DECR2: variants seen among roughly 807,000 people sequenced by gnomAD.
The protein encoded by DECR2 is 2,4-dienoyl-CoA reductase 2.
Under a neutral mutation model 29.2 loss-of-function variants are expected in DECR2, and 34 were observed. The observed-to-expected ratio is 1.16, with a 90% CI of 0.89 to 1.55. DECR2 has a LOEUF of 1.55. DECR2 is among the 40% of genes most tolerant of loss of function. The probability of loss-of-function intolerance (pLI) is 0.00; values close to 1 mark genes in which losing one functional copy is unlikely to be tolerated. For missense variants in DECR2, 485 were observed against 425.3 expected (o/e 1.14, Z -1.23); for synonymous variants, 224 against 182.7 (o/e 1.23, Z -1.82).
intron 7 of DECR2, 38 bp from the exon 8 acceptor site, chr16:411,323 T>C (rs776931116): frequency 1.3e-6 from 2 of 1,574,756 alleles, no homozygotes; most frequent in South Asian, 2.3e-5. Context: ...TGCTGGGTCT[T>C]GGGGCTCACG....
In DECR2 at chr16:410,755, T is replaced by G. The variant is rs536949084; in HGVS notation, c.527T>G (p.Val176Gly). Residue 176 changes from valine (V) to glycine (G), a missense_variant, in exon 6 of 9, where the codon GTG becomes GGG. Val to Gly is a moderately radical substitution (Grantham distance 109, BLOSUM62 -3). Transcript: ENST00000219481. This position sits in a 1 kb window ranked among gnomAD's most constrained non-coding sequence, Gnocchi z 4.1. Reference sequence around the variant, plus strand: ...GGGAACCGGGGGCAGGCGCTCCAGGTGCATGCAGGCTCCGCCAAGGCCGCT... The same window carrying G: ...GGGAACCGGGGGCAGGCGCTCCAGGGGCATGCAGGCTCCGCCAAGGCCGCT... ...TLGNRGQALQ[V>G]HAGSAKAAVD... 1.2e-6 allele frequency: 2 copies of G among 1,605,294 alleles called. No individual in the cohort carries two copies. Among genetic ancestry groups the G allele is most frequent in the Admixed American group, 3.4e-5 (2 of 59,122 alleles).
At position 405,015 on chromosome 16, in the gene DECR2, T is replaced by C. The variant is rs760801993; in HGVS notation, c.140T>C (p.Ile47Thr). The C allele has an allele frequency of 2.5e-6, 4 of 1,613,886 alleles. No individual in the cohort carries two copies. In the Admixed American group the frequency reaches 6.7e-5, roughly 27 times the overall value. ...GSGIGFRIAE[I>T]FMRHGCHTVI... ...GGGATTGGGTTCCGGATTGCTGAGATTTTCATGCGGTGAGACTGCTCTGTG... is the reference window on the plus strand; with the variant it reads ...GGGATTGGGTTCCGGATTGCTGAGACTTTCATGCGGTGAGACTGCTCTGTG... The change falls in exon 2 of 9, where the codon ATT (isoleucine) becomes ACT (threonine). Residue 47 changes from isoleucine (I) to threonine (T), a missense_variant. By Grantham distance (89) the Ile-to-Thr change is moderately conservative. Transcript: ENST00000219481.
At chr16:403,100 G>A in intron 1 of DECR2, 1 of 903,534 alleles carries the variant, frequency 1.1e-6, no homozygotes, top group African/African-American at 1.8e-5. Flanking sequence ...CTGGGTTGAA[G>A]CAATTCTCCT....
Position 410,767 on chromosome 16 carries a change from C to A in DECR2, c.539C>A (p.Ser180Tyr). The change falls in exon 6 of 9, where the codon TCC becomes TAC. Residue 180 changes from serine to tyrosine, a missense_variant. Transcript: ENST00000219481. This position sits in a 1 kb window ranked among gnomAD's most constrained non-coding sequence, Gnocchi z 4.1. ...CAGGCGCTCCAGGTGCATGCAGGCT[C>A]CGCCAAGGCCGCTGTGGGTATGACC... ...RGQALQVHAG[S>Y]AKAAVDAMTR... 2 of 1,600,034 alleles carry A rather than the reference C, an allele frequency of 1.2e-6. No homozygotes were observed. Among genetic ancestry groups the A allele is most frequent in the Non-Finnish European group, 1.7e-6 (2 of 1,175,046 alleles).
intron 1 of DECR2, 136 bp downstream of exon 1, chr16:402,179 C>CTTTT: frequency 3.7e-6 from 2 of 545,580 alleles, no homozygotes; most frequent in Non-Finnish European, 5.5e-6. Context: ...TTTTTTCTTT[C>CTTTT]TTTTTTTTTT....
At chr16:408,044 TCTGTCTCCGGCCCTCTGTCTCCGGGCCC>T (rs2054756904) in intron 4 of DECR2, among the ~76,000 whole-genome samples, 1 of 7,710 alleles carries the variant, frequency 1.3e-4, no homozygotes, top group African/African-American at 9.1e-4. Flanking sequence ...TCTCCGGGCC[TCTGTCTCCGGCCCTCTGTCTCCGGGCCC>T]CTGTCTCCGG....
chr16:402,157 C>T, intron 1 of DECR2, 114 bp downstream of exon 1: 1 of 804,858 alleles, frequency 1.2e-6, no homozygotes, highest in Non-Finnish European at 1.7e-6. Context: ...TCTTGCCTGG[C>T]TCCTTTCTTT....
At position 404,977 on chromosome 16, in the gene DECR2, A is replaced by G; in HGVS notation, c.102A>G (p.Thr34=). Residue 34 remains threonine, a synonymous_variant, in exon 2 of 9, where the codon ACA becomes ACG. Coordinates refer to ENST00000219481, the MANE Select transcript of DECR2 (RefSeq NM_020664.4). The part of the protein sequence containing the change: ...DLLRDKVAFI[T]GGGSGIGFRI... The stretch of plus-strand genomic sequence containing the variant: ...TCAGGGACAAAGTGGCCTTCATCAC[A>G]GGAGGCGGCTCTGGGATTGGGTTCC... The G allele has an allele frequency of 6.2e-7, 1 of 1,614,118 alleles. No individual in the cohort carries two copies. The highest frequency in any genetic ancestry group is 8.5e-7 in the Non-Finnish European group (1 of 1,179,980).
chr16:406,239 G>GC (rs11391097), intron 2 of DECR2, 107 bp from the exon 3 acceptor site: 1,209,947 of 1,210,208 alleles, frequency 1, 604,843 homozygotes, highest in South Asian at 1. Flanking sequence ...TGGGCCTTCA[G>GC]CCTGGACTGG....
At chr16:411,128 G>C in intron 7 of DECR2, 52 bp downstream of exon 7, 1 of 1,431,250 alleles carries the variant, frequency 7.0e-7, no homozygotes, top group Non-Finnish European at 9.2e-7. Context: ...CTGGGGCACA[G>C]GGTGCCCATG....
rs374863109 is a variant in DECR2, at chr16:410,353, G to C, written c.448G>C (p.Glu150Gln). 5.0e-6 allele frequency: 8 copies of C among 1,600,120 alleles called. No homozygotes were observed. Among genetic ancestry groups the C allele is most frequent in the Non-Finnish European group, 6.8e-6 (8 of 1,174,410 alleles). Residue 150 changes from glutamate (E) to glutamine (Q), a missense_variant, in exon 5 of 9, where the codon GAG becomes CAG. Glu to Gln is a conservative substitution (Grantham distance 29). Transcript: ENST00000219481. The surrounding 1 kb of genome is among the most constrained non-coding windows in gnomAD (Gnocchi z 4.1). Reference protein sequence around the residue: ...GTFNVSRVLYEKFFRDHGGVI... With the variant: ...GTFNVSRVLYQKFFRDHGGVI... The stretch of plus-strand genomic sequence containing the variant: ...CTTCAATGTGTCTCGTGTGCTCTAT[G>C]AGAAGTTCTTCCGGGTGGGTGCCTC...
Position 410,276 on chromosome 16 carries a change from C to A in DECR2, c.371C>A (p.Ala124Asp), listed in dbSNP as rs554529207. Residue 124 changes from alanine to aspartate, a missense_variant, in exon 5 of 9, where the codon GCC (alanine) becomes GAC (aspartate). By Grantham distance (126) the Ala-to-Asp change is moderately radical (BLOSUM62 -2). Transcript: ENST00000219481. This position sits in a 1 kb window ranked among gnomAD's most constrained non-coding sequence, Gnocchi z 4.1. ...AAGNFLCPAG[A>D]LSFNAFKTVM... ...GGGAACTTCCTGTGCCCCGCTGGCG[C>A]CTTGTCCTTCAACGCCTTCAAGACC... The A allele has an allele frequency of 1.2e-6, 2 of 1,613,528 alleles. No individual in the cohort carries two copies. Among genetic ancestry groups the A allele is most frequent in the Admixed American group, 3.3e-5 (2 of 59,996 alleles).
intron 7 of DECR2, 117 bp from the exon 8 acceptor site, chr16:411,244 G>GGT: frequency 1.6e-6 from 2 of 1,216,310 alleles, no homozygotes; most frequent in South Asian, 2.9e-5. Context: ...GCTAGGCCTT[G>GGT]GTGACACTGA....
intron 2 of DECR2, 106 bp downstream of exon 2, chr16:405,130 C>T (rs1057429241): frequency 1.5e-6 from 2 of 1,351,056 alleles, no homozygotes; most frequent in Admixed American, 1.8e-5. Flanking sequence ...ATGTCCCCTG[C>T]TCACCTACCC....
rs906429270 is a variant in DECR2 at position 401,917 on chromosome 16, C to G, written c.-47C>G. On this transcript the variant is annotated 5_prime_UTR_variant, in exon 1 of 9. Coordinates refer to ENST00000219481, the MANE Select transcript of DECR2 (RefSeq NM_020664.4). ...CAGCTGCGCGCCGGGTCCTGGAGGC[C>G]GAGGCCGCTCCCGCCCGTTGTCCCC... The G allele has an allele frequency of 8.9e-6, 13 of 1,461,766 alleles. No individual in the cohort carries two copies. The highest frequency in any genetic ancestry group is 2.5e-5 in the Admixed American group (1 of 40,710). 90.5% of individuals were successfully genotyped at this position (1,461,766 alleles called of 1,614,324 possible).
chr16:407,974 CCT>C (rs1213513302), intron 4 of DECR2, among the ~76,000 whole-genome samples: 1 of 99,268 alleles, frequency 1.0e-5, no homozygotes, highest in African/African-American at 4.0e-5. Context: ...TCTCCGGCCC[CCT>C]GTCTCCGGGC....
chr16:410,347 C>T lies in DECR2; in HGVS notation c.442C>T (p.Leu148Phe). 1 of 1,610,866 alleles carries T rather than the reference C, an allele frequency of 6.2e-7. No homozygotes were observed. Among genetic ancestry groups the T allele is most frequent in the Non-Finnish European group, 8.5e-7 (1 of 1,177,828 alleles). Residue 148 changes from leucine to phenylalanine, a missense_variant, in exon 5 of 9, where the codon CTC (leucine) becomes TTC (phenylalanine). Physicochemically the swap from Leu to Phe is conservative, Grantham distance 22. Coordinates refer to ENST00000219481, the MANE Select transcript of DECR2 (RefSeq NM_020664.4). This position sits in a 1 kb window ranked among gnomAD's most constrained non-coding sequence, Gnocchi z 4.1. ...CGGCACCTTCAATGTGTCTCGTGTG[C>T]TCTATGAGAAGTTCTTCCGGGTGGG... ...TSGTFNVSRVLYEKFFRDHGG... is the reference protein window; with the variant it reads ...TSGTFNVSRVFYEKFFRDHGG...
rs201553914 is a variant in DECR2 at position 410,383 on chromosome 16, G to T, written c.462+16G>T. 3.2e-6 allele frequency: 5 copies of T among 1,585,964 alleles called. No homozygotes were observed. The Admixed American group carries it at 6.8e-5, about 21-fold the overall frequency. ...GTTCTTCCGGGTGGGTGCCTCGTGC[G>T]CTCTGTGAGAAGTTCTTCCGGGTGG... On this transcript the variant is annotated intron_variant, in intron 5 of 8. Transcript: ENST00000219481. This position sits in a 1 kb window ranked among gnomAD's most constrained non-coding sequence, Gnocchi z 4.1.
At chr16:402,560 A>C (rs1597194333) in intron 1 of DECR2, among the ~76,000 whole-genome samples, 2 of 151,990 alleles carry the variant, frequency 1.3e-5, no homozygotes, top group East Asian at 3.8e-4. Flanking sequence ...CTTGGTGTTC[A>C]CAAGAGAAGG....
Sources: allele counts gnomAD v4.1 joint callset (sites outside exome capture counted in the v4.1 genomes callset), GRCh38; gene constraint gnomAD v4.1.1; non-coding constraint Gnocchi (gnomAD v3.1); transcripts MANE v1.5; gene names NCBI Gene and HGNC (gene_info 2026-07-23, HGNC 2026-07-21).